The following CACNG2 variants were observed in gnomAD, a reference collection of about 807,000 sequenced individuals.
CACNG2 encodes calcium voltage-gated channel auxiliary subunit gamma 2, also known as voltage-dependent calcium channel gamma-2 subunit.
Under a neutral mutation model 25.9 loss-of-function variants are expected in CACNG2, and 3 were observed. That is an observed-to-expected ratio of 0.12 (90% CI 0.05 to 0.30). CACNG2 has a LOEUF of 0.30. Ranked by LOEUF, CACNG2 falls within the 10% of genes least tolerant of loss-of-function variation. CACNG2 has a pLI of 1.00. For synonymous variants in CACNG2, 167 were observed against 173.3 expected (o/e 0.96, Z 0.29); for missense variants, 341 against 432.5 (o/e 0.79, Z 1.88).
intron 1 of CACNG2, among the ~76,000 whole-genome samples, chr22:36,651,701 T>C (rs1936618086): frequency 1.3e-5 from 2 of 152,256 alleles, no homozygotes; most frequent in South Asian, 4.1e-4. Context: ...TTTTTGTATA[T>C]TACTGTAACC....
Position 36,667,807 on chromosome 22 carries a change from A to AGAG in CACNG2, c.211+34556_211+34558dup, listed in dbSNP as rs1555900271. Among the ~76,000 whole-genome samples, 5 of 152,326 alleles carry AGAG rather than the reference A, an allele frequency of 3.3e-5. 1 individual carries two copies. Among genetic ancestry groups the AGAG allele is most frequent in the Admixed American group, 6.5e-5 (1 of 15,290 alleles). ...CTGGGTGTCGTTAAGTGTGCCTGAC[A>AGAG]GAGCTATGCTAATCAGTTCTCTTCT... On this transcript the variant is annotated intron_variant, in intron 1 of 3. Coordinates refer to ENST00000300105, the MANE Select transcript of CACNG2 (RefSeq NM_006078.5).
chr22:36,695,087 G>A (rs549182227), intron 1 of CACNG2, among the ~76,000 whole-genome samples: 2 of 152,204 alleles, frequency 1.3e-5, no homozygotes, highest in South Asian at 4.2e-4. Flanking sequence ...GTGGTGGTTT[G>A]CGCCTGTCTT....
In CACNG2 at chr22:36,702,642, G is replaced by A; in HGVS notation, c.-66C>T. The A allele has an allele frequency of 8.3e-7, 1 of 1,211,998 alleles. No homozygotes were observed. Among genetic ancestry groups the A allele is most frequent in the Admixed American group, 1.7e-5 (1 of 58,422 alleles). The allele number at this position is 1,211,998 out of a possible 1,614,324, so 75.1% of individuals were successfully genotyped here. A position where few individuals can be genotyped will look rare whatever the true frequency, so the allele number is the denominator to read the frequency against. ...CGGGAGAGTGTGTGTGAGGGTGCAA[G>A]TACTAAAGCCAAAAAAAATAAATAA... On this transcript the variant is annotated 5_prime_UTR_variant, in exon 1 of 4. Coordinates refer to ENST00000300105, the MANE Select transcript of CACNG2 (RefSeq NM_006078.5).
At chr22:36,600,570 G>A (rs1171440488) in intron 1 of CACNG2, among the ~76,000 whole-genome samples, 5 of 147,006 alleles carry the variant, frequency 3.4e-5, no homozygotes, top group African/African-American at 1.0e-4. Flanking sequence ...TTTTTGATAC[G>A]GAGTCTTGCT....
At chr22:36,655,001 G>A (rs1237014990) in intron 1 of CACNG2, among the ~76,000 whole-genome samples, 1 of 152,048 alleles carries the variant, frequency 6.6e-6, no homozygotes, top group Non-Finnish European at 1.5e-5. Context: ...AGTCCATCTT[G>A]ACTAAGCGGA....
chr22:36,599,759 C>T (rs924252118), intron 1 of CACNG2, among the ~76,000 whole-genome samples: 10 of 152,276 alleles, frequency 6.6e-5, no homozygotes, highest in African/African-American at 2.4e-4. Flanking sequence ...GCTTCAATGT[C>T]CTAGGAATGC....
chr22:36,588,069 C>T (rs910948653), intron 1 of CACNG2, among the ~76,000 whole-genome samples: 6 of 152,194 alleles, frequency 3.9e-5, no homozygotes, highest in African/African-American at 1.2e-4. Context: ...CAAACCCAGC[C>T]GCCAACTGCT....
intron 1 of CACNG2, among the ~76,000 whole-genome samples, chr22:36,593,400 G>A (rs544384774): frequency 1.3e-5 from 2 of 152,324 alleles, no homozygotes; most frequent in South Asian, 2.1e-4. Context: ...GGACAGGTAG[G>A]CTGGGATGTG....
intron 1 of CACNG2, among the ~76,000 whole-genome samples, chr22:36,662,284 C>T (rs1936810085): frequency 6.6e-6 from 1 of 152,046 alleles, no homozygotes; most frequent in Admixed American, 6.6e-5. Flanking sequence ...ACCTGGCTGA[C>T]TCATTGCTAT....
chr22:36,630,483 C>T (rs1936251231), intron 1 of CACNG2, among the ~76,000 whole-genome samples: 2 of 152,010 alleles, frequency 1.3e-5, no homozygotes, highest in Non-Finnish European at 2.9e-5. Context: ...TCAGGAACAG[C>T]AAGCATTTGG....
intron 1 of CACNG2, among the ~76,000 whole-genome samples, chr22:36,662,786 GC>G (rs1426498203): frequency 2.0e-4 from 30 of 152,218 alleles, no homozygotes; most frequent in African/African-American, 7.0e-4. Flanking sequence ...CGTTCAGTTT[GC>G]CCTACAACTC....
Position 36,561,872 on chromosome 22 carries a change from G to A in CACNG2, c.*2479C>T, listed in dbSNP as rs1452246829. The A allele has an allele frequency of 6.6e-6, 1 of 152,236 alleles. No homozygotes were observed. The highest frequency in any genetic ancestry group is 2.4e-5 in the African/African-American group (1 of 41,430). The allele number at this position is 152,236 out of a possible 1,614,324, so 9.4% of individuals were successfully genotyped here. ...TGGTGCAAGTTTAACTTTTGGGGTT[G>A]GTCCTTACACTGGGATGGAACTGCT... On this transcript the variant is annotated 3_prime_UTR_variant, in exon 4 of 4. Coordinates refer to ENST00000300105, the MANE Select transcript of CACNG2 (RefSeq NM_006078.5).
intron 1 of CACNG2, among the ~76,000 whole-genome samples, chr22:36,683,837 ATCTC>A (rs150169331): frequency 3.3e-5 from 5 of 151,474 alleles, no homozygotes; most frequent in Admixed American, 6.6e-5. Flanking sequence ...GGGAGGCAGC[ATCTC>A]TCTCTCTCTC....
chr22:36,616,349 C>T (rs530179135), intron 1 of CACNG2, among the ~76,000 whole-genome samples: 1 of 152,286 alleles, frequency 6.6e-6, no homozygotes, highest in African/African-American at 2.4e-5. Flanking sequence ...ATTTCTGATG[C>T]ATTTTTCATG....
At chr22:36,668,798 C>T (rs541820581) in intron 1 of CACNG2, among the ~76,000 whole-genome samples, 10 of 152,292 alleles carry the variant, frequency 6.6e-5, no homozygotes, top group African/African-American at 2.4e-4. Context: ...CCACCGGGCC[C>T]AGCCGGGTGT....
chr22:36,615,114 C>A (rs1936003906), intron 1 of CACNG2, among the ~76,000 whole-genome samples: 2 of 152,188 alleles, frequency 1.3e-5, no homozygotes, highest in African/African-American at 4.8e-5. Flanking sequence ...TGGCTTGCAC[C>A]AGGTGCCCAG....
At chr22:36,655,955 G>A (rs1451975732) in intron 1 of CACNG2, among the ~76,000 whole-genome samples, 1 of 151,756 alleles carries the variant, frequency 6.6e-6, no homozygotes, top group Non-Finnish European at 1.5e-5. Context: ...TTACAGGTGT[G>A]TGCCACCACG....
chr22:36,662,705 A>G (rs1936817493), intron 1 of CACNG2, among the ~76,000 whole-genome samples: 1 of 152,180 alleles, frequency 6.6e-6, no homozygotes, highest in Non-Finnish European at 1.5e-5. Context: ...CCTACATAAT[A>G]ATCGCGGAGT....
At chr22:36,692,271 T>G (rs912328435) in intron 1 of CACNG2, among the ~76,000 whole-genome samples, 5 of 152,190 alleles carry the variant, frequency 3.3e-5, no homozygotes, top group African/African-American at 1.2e-4. Context: ...GCATGCTTGT[T>G]AGCCGAAGGA....
Sources: allele counts gnomAD v4.1 joint callset (sites outside exome capture counted in the v4.1 genomes callset), GRCh38; gene constraint gnomAD v4.1.1; transcripts MANE v1.5; gene names NCBI Gene and HGNC (gene_info 2026-07-23, HGNC 2026-07-21).